The following NWD1 variants were observed in gnomAD, a reference collection of about 807,000 sequenced individuals.
NWD1 encodes NACHT domain- and WD repeat-containing protein 1.
Under a neutral mutation model 135.1 loss-of-function variants are expected in NWD1, and 129 were observed. The observed-to-expected ratio is 0.96, with a 90% confidence interval of 0.83 to 1.11. The LOEUF is 1.11. Ranked by LOEUF, NWD1 falls within the 50% of genes least tolerant of loss-of-function variation. The pLI, the probability that NWD1 is intolerant of heterozygous loss-of-function variation, is 0.00. For synonymous variants in NWD1, 773 were observed against 786.0 expected (o/e 0.98, Z 0.28); for missense variants, 1,740 against 1,851.3 (o/e 0.94, Z 1.10).
chr19:16,765,972 G>A lies in NWD1; in HGVS notation c.2410+780G>A, dbSNP rs553040901. Reference sequence around the variant, plus strand: ...GCGGAGGTTACAGTGAGCCGAGATCGCACCACTGCACTCCAGCCTGGGCAA... The same window carrying A: ...GCGGAGGTTACAGTGAGCCGAGATCACACCACTGCACTCCAGCCTGGGCAA... On this transcript the variant is annotated intron_variant, in intron 10 of 18. Coordinates refer to ENST00000524140, the MANE Select transcript of NWD1 (RefSeq NM_001007525.5). 2.3e-3 allele frequency among the ~76,000 whole-genome samples: 327 copies of A among 142,438 alleles called. 1 individual carries two copies. The highest frequency in any genetic ancestry group is 3.9e-3 in the Middle Eastern group (1 of 254). The allele number at this position is 142,438 out of a possible 152,430, so 93.4% of individuals were successfully genotyped here. A position where few individuals can be genotyped will look rare whatever the true frequency, so the allele number is the denominator to read the frequency against.
At chr19:16,758,605 G>C (rs1279592085) in intron 6 of NWD1, among the ~76,000 whole-genome samples, 1 of 152,092 alleles carries the variant, frequency 6.6e-6, no homozygotes, top group African/African-American at 2.4e-5. Context: ...GACAAGCCTT[G>C]GTGGGCCAGG....
In NWD1 at chr19:16,795,025, G is replaced by A. The variant is rs982412728; in HGVS notation, c.3304+472G>A. Among the ~76,000 whole-genome samples, 7 of 152,120 alleles carry A rather than the reference G, an allele frequency of 4.6e-5. No homozygotes were observed. In the South Asian group the frequency reaches 8.3e-4, roughly 18 times the overall value. On this transcript the variant is annotated intron_variant, in intron 15 of 18. Transcript: ENST00000524140. ...TCGAATTCCTGACCTCAGGTGATTCGCCCACCTTAGCCTCCCAAAGTGCTG... is the reference window on the plus strand; with the variant it reads ...TCGAATTCCTGACCTCAGGTGATTCACCCACCTTAGCCTCCCAAAGTGCTG...
intron 12 of NWD1, among the ~76,000 whole-genome samples, chr19:16,779,757 C>T (rs1408688592): frequency 6.6e-6 from 1 of 152,140 alleles, no homozygotes; most frequent in Non-Finnish European, 1.5e-5. Flanking sequence ...CTGCCTCAGC[C>T]TCCTGAGTAG....
chr19:16,743,594 G>A (rs1968175381), intron 4 of NWD1, among the ~76,000 whole-genome samples: 1 of 152,146 alleles, frequency 6.6e-6, no homozygotes, highest in Admixed American at 6.6e-5. Context: ...TTCTCAGAGT[G>A]CTGGTTGGAT....
At chr19:16,764,145 G>T (rs1056818539) in intron 9 of NWD1, among the ~76,000 whole-genome samples, 200 bp downstream of exon 9, 1 of 152,192 alleles carries the variant, frequency 6.6e-6, no homozygotes, top group African/African-American at 2.4e-5. Flanking sequence ...AGCTAGGGGA[G>T]AAGGCACTAC....
At chr19:16,812,839 G>A (rs1970966326) in intron 18 of NWD1, 1 of 780,924 alleles carries the variant, frequency 1.3e-6, no homozygotes. Flanking sequence ...CTTGTTTGGA[G>A]TGTGCTGGAT....
Position 16,815,640 on chromosome 19 carries a change from T to C in NWD1, c.*601T>C, listed in dbSNP as rs1971048425. 3.3e-6 allele frequency: 1 copy of C among 307,232 alleles called. No individual in the cohort carries two copies. The highest frequency in any genetic ancestry group is 6.1e-6 in the Non-Finnish European group (1 of 164,734). 19.0% of individuals were successfully genotyped at this position (307,232 alleles called of 1,614,324 possible). A position where few individuals can be genotyped will look rare whatever the true frequency, so the allele number is the denominator to read the frequency against. ...AACTCTACTGGTCCCAATTGGCCCA[T>C]ACGCCTAGCCCTAAACCAATTATTA... On this transcript the variant is annotated 3_prime_UTR_variant, in exon 19 of 19. Transcript: ENST00000524140.
intron 10 of NWD1, among the ~76,000 whole-genome samples, chr19:16,769,897 G>T (rs1196170747): frequency 6.6e-6 from 1 of 152,132 alleles, no homozygotes; most frequent in African/African-American, 2.4e-5. Context: ...GAGTGCAATG[G>T]CATGATCATA....
intron 12 of NWD1, 96 bp downstream of exon 12, chr19:16,779,561 C>A: frequency 8.4e-7 from 1 of 1,190,844 alleles, no homozygotes; most frequent in Non-Finnish European, 1.2e-6. Context: ...TGTATTGAAA[C>A]CCTGGCCTTT....
intron 12 of NWD1, among the ~76,000 whole-genome samples, chr19:16,785,869 A>T (rs557160360): frequency 8.3e-4 from 124 of 149,808 alleles, no homozygotes; most frequent in African/African-American, 2.9e-3. Context: ...TTTTTTTTAA[A>T]TTTTTTTGTT....
chr19:16,800,095 T>C lies in NWD1; in HGVS notation c.3669T>C (p.Asn1223=), dbSNP rs1469939509. The part of the protein sequence containing the change: ...DRTGLTAVSH[N]GSYVYFPKIG... ...CCGGCCTCACCGCAGTGTCCCACAA[T>C]GGAAGCTACGTCTACTTCCCCAAAA... Residue 1223 remains asparagine (N), a synonymous_variant, in exon 17 of 19, where the codon AAT becomes AAC. Transcript: ENST00000524140. The C allele has an allele frequency of 1.9e-6, 3 of 1,614,088 alleles. No individual in the cohort carries two copies. The highest frequency in any genetic ancestry group is 4.5e-5 in the East Asian group (2 of 44,872).
rs1316044639 is a variant in NWD1, at chr19:16,770,041, T to C, written c.2411-3085T>C. On this transcript the variant is annotated intron_variant, in intron 10 of 18. Transcript: ENST00000524140. ...AATTATGATTTCTCTTGGTTTTCTT[T>C]TGCATCATCTGTCTGCCACATCAGA... is the stretch of plus-strand genomic sequence containing the variant. 2.0e-5 allele frequency among the ~76,000 whole-genome samples: 3 copies of C among 152,180 alleles called. No individual in the cohort carries two copies. The East Asian group carries it at 5.8e-4, about 29-fold the overall frequency.
chr19:16,778,494 CTTTT>C (rs11307621), intron 11 of NWD1, among the ~76,000 whole-genome samples: 31 of 107,558 alleles, frequency 2.9e-4, no homozygotes, highest in South Asian at 1.1e-3. Flanking sequence ...TCTTCTTCTT[CTTTT>C]TTTTTTTTTT....
chr19:16,788,991 G>T lies in NWD1; in HGVS notation c.2741G>T (p.Arg914Met). 1.2e-6 allele frequency: 2 copies of T among 1,611,384 alleles called. No homozygotes were observed. Among genetic ancestry groups the T allele is most frequent in the South Asian group, 2.2e-5 (2 of 90,984 alleles). Residue 914 changes from arginine (R) to methionine (M), a missense_variant, in exon 13 of 19, where the codon AGG (arginine) becomes ATG (methionine). Physicochemically the swap from Arg to Met is moderately conservative, Grantham distance 91. Transcript: ENST00000524140. ...CCCTGGCCTGCTGCAGGAGAGGTGA[G>T]GTGTGTGAAAATATTTGCCAAAGGG... is the stretch of plus-strand genomic sequence containing the variant. ...HMLTGHTGEV[R>M]CVKIFAKGTL...
intron 7 of NWD1, among the ~76,000 whole-genome samples, chr19:16,761,192 G>T (rs546683063): frequency 3.3e-5 from 5 of 152,086 alleles, no homozygotes; most frequent in Non-Finnish European, 5.9e-5. Context: ...AGGGATCAGT[G>T]CTTCCTTCCT....
At chr19:16,735,792 TGGAAGGAAGGAA>T (rs1216718356) in intron 3 of NWD1, among the ~76,000 whole-genome samples, 22 of 96,536 alleles carry the variant, frequency 2.3e-4, no homozygotes, top group African/African-American at 6.2e-4. Flanking sequence ...ATCATGCCAC[TGGAAGGAAGGAA>T]GGAAGGAAGG....
At chr19:16,743,775 C>T (rs773918) in intron 4 of NWD1, among the ~76,000 whole-genome samples, 46,241 of 151,694 alleles carry the variant, frequency 0.3, 8,011 homozygotes, top group Middle Eastern at 0.5. Context: ...CTCCCTCTCC[C>T]GGGTTCAAGC....
intron 12 of NWD1, among the ~76,000 whole-genome samples, chr19:16,788,780 C>T (rs1280761189): frequency 1.3e-5 from 2 of 152,026 alleles, no homozygotes; most frequent in African/African-American, 4.8e-5. Context: ...AACTCTTTCT[C>T]CATAGCCTTC....
Position 16,779,336 on chromosome 19 carries a change from G to A in NWD1, c.2609-7G>A. The A allele has an allele frequency of 6.2e-7, 1 of 1,613,764 alleles. No homozygotes were observed. Among genetic ancestry groups the A allele is most frequent in the Non-Finnish European group, 8.5e-7 (1 of 1,179,986 alleles). On this transcript the variant is annotated splice_polypyrimidine_tract_variant and splice_region_variant and intron_variant, in intron 11 of 18. Coordinates refer to ENST00000524140, the MANE Select transcript of NWD1 (RefSeq NM_001007525.5). ...AGATCATTGCTGTTGCCTCTGTGTG[G>A]CTGCAGGCATCACCGCCATGGCATG...
Sources: allele counts gnomAD v4.1 joint callset (sites outside exome capture counted in the v4.1 genomes callset), GRCh38; gene constraint gnomAD v4.1.1; transcripts MANE v1.5; gene names NCBI Gene and HGNC (gene_info 2026-07-23, HGNC 2026-07-21).